Variants in SALL2 observed in about 807,000 individuals in gnomAD.
SALL2 encodes the protein sal-like protein 2.
Under a neutral mutation model 58.5 loss-of-function variants are expected in SALL2, and 32 were observed. The ratio of observed to expected loss-of-function variants is 0.55; its 90% CI spans 0.41 to 0.74. SALL2 has a LOEUF of 0.74. Ranked by LOEUF, SALL2 falls within the 30% of genes least tolerant of loss-of-function variation. The pLI is 0.00. For missense variants in SALL2, 1,201 were observed against 1,268.9 expected, an observed-to-expected ratio of 0.95 and a Z score of 0.81; for synonymous variants, 516 against 513.6, an observed-to-expected ratio of 1.00 and a Z score of -0.06.
At chr14:21,526,014 T>TCCCCCAACC in intron 1 of SALL2, 47 bp downstream of exon 1, 2 of 1,041,064 alleles carry the variant, frequency 1.9e-6, no homozygotes, top group Non-Finnish European at 2.9e-6. Flanking sequence ...CCCCTGCGCA[T>TCCCCCAACC]CCCCCTCCGC....
At position 21,525,385 on chromosome 14, in the gene SALL2, C is replaced by G. The variant is rs576329716; in HGVS notation, c.337G>C (p.Glu113Gln). 4 of 1,614,114 alleles carry G rather than the reference C, an allele frequency of 2.5e-6. No individual in the cohort carries two copies. The highest frequency in any genetic ancestry group is 2.2e-5 in the East Asian group (1 of 44,878). Residue 113 changes from glutamate (E) to glutamine (Q), a missense_variant, in exon 2 of 2, where the codon GAG becomes CAG. This residue lies in a region of SALL2 where 467 missense variants were observed against 468.9 expected (regional missense o/e 1.00). Coordinates refer to ENST00000537235, the MANE Select transcript of SALL2 (RefSeq NM_001364564.1). This position sits in a 1 kb window ranked among gnomAD's most constrained non-coding sequence, Gnocchi z 4.4. ...SVPTDPTWGP[E>Q]RRGEESSGHF... ...CCTGAAGACTCCTCTCCTCTCCTCT[C>G]TGGGCCCCAGGTGGGATCCGTGGGC...
At chr14:21,526,630 G>A, upstream of SALL2, 1 of 401,806 alleles carries the variant, frequency 2.5e-6, no homozygotes, top group Non-Finnish European at 3.5e-6. Context: ...GGGAAACGTA[G>A]CCCTGCTCAG....
chr14:21,526,235 G>T lies in SALL2; in HGVS notation c.-108C>A. ...GGCAGCCTCTGCACCCAGCGGCCCA[G>T]ACTGCGGAGATGGAGATCGGCAGCG... On this transcript the variant is annotated 5_prime_UTR_variant, in exon 1 of 2. The change creates a new upstream start codon in the 5' untranslated region. Transcript: ENST00000537235. 1 of 1,470,996 alleles carries T rather than the reference G, an allele frequency of 6.8e-7. No individual in the cohort carries two copies. Among genetic ancestry groups the T allele is most frequent in the Non-Finnish European group, 9.0e-7 (1 of 1,113,090 alleles). 91.1% of individuals were successfully genotyped at this position (1,470,996 alleles called of 1,614,324 possible). A position where few individuals can be genotyped will look rare whatever the true frequency, so the allele number is the denominator to read the frequency against.
chr14:21,530,540 G>C (rs1199785453), upstream of SALL2, among the ~76,000 whole-genome samples: 1 of 151,966 alleles, frequency 6.6e-6, no homozygotes, highest in East Asian at 1.9e-4. Flanking sequence ...TGCCAACCTC[G>C]GCCTCCCAAA....
At position 21,532,453 on chromosome 14, in the gene SALL2, TG is replaced by T. The variant is rs1008077671; in HGVS notation, c.-114+4508del. On this transcript the variant is annotated intron_variant, in intron 1 of 1. Transcript: ENST00000541965. ...ATTGTACACTTAAAAATGGTTAAAA[TG>T]GTAAATTTTATTACACATATTTTAC... 3.7e-4 allele frequency among the ~76,000 whole-genome samples: 55 copies of T among 150,630 alleles called. No individual in the cohort carries two copies. In the South Asian group the frequency reaches 3.8e-3, roughly 10 times the overall value.
chr14:21,536,766 A>T, intron 1 of SALL2: 9 of 1,146,994 alleles, frequency 7.8e-6, no homozygotes, highest in Non-Finnish European at 6.5e-6. Flanking sequence ...GGTTTCGCCC[A>T]TGGCCCGAGT....
upstream of SALL2, among the ~76,000 whole-genome samples, chr14:21,529,173 C>T (rs1028802152): frequency 6.6e-6 from 1 of 152,176 alleles, no homozygotes; most frequent in African/African-American, 2.4e-5. Flanking sequence ...CTTACACAAA[C>T]ATGAATGAAG....
In SALL2 at chr14:21,525,500, C is replaced by T. The variant is rs754187660; in HGVS notation, c.222G>A (p.Ser74=). 2 of 1,613,888 alleles carry T rather than the reference C, an allele frequency of 1.2e-6. No homozygotes were observed. Among genetic ancestry groups the T allele is most frequent in the Non-Finnish European group, 1.7e-6 (2 of 1,179,932 alleles). Reference sequence around the variant, plus strand: ...CCTCAGGCCGGGGTTCAGAGGAGGCCGAAGAGTTGTTGGGGTTCTCCTGGC... The same window carrying T: ...CCTCAGGCCGGGGTTCAGAGGAGGCTGAAGAGTTGTTGGGGTTCTCCTGGC... ...IGGQENPNNS[S]ASSEPRPEGH... Residue 74 remains serine (S), a synonymous_variant, in exon 2 of 2, where the codon TCG becomes TCA. Transcript: ENST00000537235. This position sits in a 1 kb window ranked among gnomAD's most constrained non-coding sequence, Gnocchi z 4.4.
At position 21,526,053 on chromosome 14, in the gene SALL2, T is replaced by C. The variant is rs1418778704; in HGVS notation, c.67+8A>G. On this transcript the variant is annotated splice_region_variant and intron_variant, in intron 1 of 1. Transcript: ENST00000537235. ...CACCCCTGCCCAGCCCGACCGACCC[T>C]ACCGCACCTCCGAGCTCTGCCGGCT... 3 of 1,128,362 alleles carry C rather than the reference T, an allele frequency of 2.7e-6. No individual in the cohort carries two copies. Among genetic ancestry groups the C allele is most frequent in the African/African-American group, 1.6e-5 (1 of 63,336 alleles). The allele number at this position is 1,128,362 out of a possible 1,614,324, so 69.9% of individuals were successfully genotyped here.
upstream of SALL2, among the ~76,000 whole-genome samples, chr14:21,527,855 T>TAAA (rs879410623): frequency 7.2e-6 from 1 of 139,322 alleles, no homozygotes; most frequent in Non-Finnish European, 1.6e-5. Context: ...CCCATTACTT[T>TAAA]AAAAAAAAAA....
At position 21,523,277 on chromosome 14, in the gene SALL2, T is replaced by C. The variant is rs569742112; in HGVS notation, c.2445A>G (p.Ala815=). Residue 815 remains alanine (A), a synonymous_variant, in exon 2 of 2, where the codon GCA becomes GCG. Coordinates refer to ENST00000537235, the MANE Select transcript of SALL2 (RefSeq NM_001364564.1). The surrounding 1 kb of genome is among the most constrained non-coding windows in gnomAD (Gnocchi z 4.4). ...CCATCTCCTTCCCAGCTGTGGCTGCTGCCGCCACTGTCCCCACCTCCTCCT... is the reference window on the plus strand; with the variant it reads ...CCATCTCCTTCCCAGCTGTGGCTGCCGCCGCCACTGTCCCCACCTCCTCCT... The part of the protein sequence containing the change: ...GAEEEVGTVA[A]AATAGKEMDS... 17 of 1,613,548 alleles carry C rather than the reference T, an allele frequency of 1.1e-5. No individual in the cohort carries two copies. The African/African-American group carries it at 1.1e-4, about 10-fold the overall frequency.
At chr14:21,528,746 A>C (rs1892387430), upstream of SALL2, among the ~76,000 whole-genome samples, 1 of 152,156 alleles carries the variant, frequency 6.6e-6, no homozygotes, top group South Asian at 2.1e-4. Context: ...ACTCCTGTCC[A>C]ATGCTTTCTC....
At position 21,524,085 on chromosome 14, in the gene SALL2, A is replaced by G; in HGVS notation, c.1637T>C (p.Met546Thr). 2 of 1,614,138 alleles carry G rather than the reference A, an allele frequency of 1.2e-6. No homozygotes were observed. The highest frequency in any genetic ancestry group is 2.7e-5 in the African/African-American group (2 of 75,050). Residue 546 changes from methionine to threonine, a missense_variant, in exon 2 of 2, where the codon ATG becomes ACG. Physicochemically the swap from Met to Thr is moderately conservative, Grantham distance 81. This residue lies in a region of SALL2 where 675 missense variants were observed against 683.8 expected (regional missense o/e 0.99). Transcript: ENST00000537235. ...GVAESSTATR[M>T]QLSKLVTSLP... ...TGAAGTCACCAACTTACTTAGTTGC[A>G]TGCGAGTTGCCGTGCTACTTTCTGC...
Position 21,524,988 on chromosome 14 carries a change from G to C in SALL2, c.734C>G (p.Pro245Arg). 1 of 1,613,994 alleles carries C rather than the reference G, an allele frequency of 6.2e-7. No homozygotes were observed. The highest frequency in any genetic ancestry group is 8.5e-7 in the Non-Finnish European group (1 of 1,179,938). The change falls in exon 2 of 2, where the codon CCT (proline) becomes CGT (arginine). Residue 245 changes from proline to arginine, a missense_variant. Pro to Arg is a moderately radical substitution (Grantham distance 103). This residue lies in a region of SALL2 where 467 missense variants were observed against 468.9 expected (regional missense o/e 1.00). Coordinates refer to ENST00000537235, the MANE Select transcript of SALL2 (RefSeq NM_001364564.1). Reference protein sequence around the residue: ...PLLPLFSPIKPVQTSKTLASS... With the variant: ...PLLPLFSPIKRVQTSKTLASS... ...TGCCAGTGTCTTGCTGGTTTGGACA[G>C]GCTTGATGGGGCTGAAGAGGGGTAG...
In SALL2 at chr14:21,522,414, G is replaced by A. The variant is rs1311615439; in HGVS notation, c.*290C>T. On this transcript the variant is annotated 3_prime_UTR_variant, in exon 2 of 2. Transcript: ENST00000537235. Reference sequence around the variant, plus strand: ...GGAAAGGGAGAGGAGAGAGGAGGGGGAAGAAGGGTCACACCAGGGAAGCTG... The same window carrying A: ...GGAAAGGGAGAGGAGAGAGGAGGGGAAAGAAGGGTCACACCAGGGAAGCTG... The A allele has an allele frequency of 7.1e-7, 1 of 1,415,548 alleles. No individual in the cohort carries two copies. The highest frequency in any genetic ancestry group is 1.4e-5 in the African/African-American group (1 of 69,542). The allele number at this position is 1,415,548 out of a possible 1,614,324, so 87.7% of individuals were successfully genotyped here.
chr14:21,524,266 C>G lies in SALL2; in HGVS notation c.1456G>C (p.Glu486Gln). 1 of 1,613,912 alleles carries G rather than the reference C, an allele frequency of 6.2e-7. No homozygotes were observed. Among genetic ancestry groups the G allele is most frequent in the Non-Finnish European group, 8.5e-7 (1 of 1,179,952 alleles). The stretch of plus-strand genomic sequence containing the variant: ...CTGGTGGAGAGCAGAGTCAGGCTCT[C>G]TGTGGCACTGAGTGCTGTTGTGGAG... Reference protein sequence around the residue: ...VASTTALSATESLTLLSTSAG... With the variant: ...VASTTALSATQSLTLLSTSAG... The change falls in exon 2 of 2, where the codon GAG (glutamate) becomes CAG (glutamine). Residue 486 changes from glutamate to glutamine, a missense_variant. By Grantham distance (29) the Glu-to-Gln change is conservative. This residue lies in a region of SALL2 where 675 missense variants were observed against 683.8 expected (regional missense o/e 0.99). Transcript: ENST00000537235.
At chr14:21,529,614 C>T (rs1272992847), upstream of SALL2, among the ~76,000 whole-genome samples, 1 of 151,126 alleles carries the variant, frequency 6.6e-6, no homozygotes, top group Non-Finnish European at 1.5e-5. Flanking sequence ...GGGTTTGAGA[C>T]TCCATCTCAA....
rs1436640643 is a variant in SALL2, at chr14:21,526,057, G to A, written c.67+4C>T. ...CCTGCCCAGCCCGACCGACCCTACC[G>A]CACCTCCGAGCTCTGCCGGCTCCCC... is the stretch of plus-strand genomic sequence containing the variant. On this transcript the variant is annotated splice_donor_region_variant and intron_variant, in intron 1 of 1. Coordinates refer to ENST00000537235, the MANE Select transcript of SALL2 (RefSeq NM_001364564.1). 13 of 1,060,490 alleles carry A rather than the reference G, an allele frequency of 1.2e-5. No individual in the cohort carries two copies. Among genetic ancestry groups the A allele is most frequent in the Non-Finnish European group, 1.8e-5 (13 of 738,450 alleles). 65.7% of individuals were successfully genotyped at this position (1,060,490 alleles called of 1,614,324 possible).
At position 21,534,224 on chromosome 14, in the gene SALL2, A is replaced by G. The variant is rs149919071; in HGVS notation, c.-114+2738T>C. On this transcript the variant is annotated intron_variant, in intron 1 of 1. Coordinates refer to the SALL2 transcript ENST00000541965. ...ATTTTAGATACGATCAAATAGAGCC[A>G]CCTCATTTTGCAGATGAGGCCCAAT... is the stretch of plus-strand genomic sequence containing the variant. Among the ~76,000 whole-genome samples the G allele has an allele frequency of 5.9e-3, 905 of 152,296 alleles. 10 individuals are homozygous for G. The highest frequency in any genetic ancestry group is 0.02 in the African/African-American group (814 of 41,580).
Sources: allele counts gnomAD v4.1 joint callset (sites outside exome capture counted in the v4.1 genomes callset), GRCh38; gene constraint gnomAD v4.1.1; regional missense constraint gnomAD v4.1.1; non-coding constraint Gnocchi (gnomAD v3.1); transcripts MANE v1.5; gene names NCBI Gene and HGNC (gene_info 2026-07-23, HGNC 2026-07-21).